PCCA: variants seen among roughly 807,000 people sequenced by gnomAD.
PCCA encodes propionyl-CoA carboxylase subunit alpha.
In PCCA, 74 loss-of-function variants were observed where a neutral mutation model predicts 101.3. The ratio of observed to expected loss-of-function variants is 0.73; its 90% CI spans 0.61 to 0.89. The LOEUF (loss-of-function observed/expected upper bound fraction) is 0.89, where lower values mean the gene tolerates loss of function less well. Ranked by LOEUF, PCCA falls within the 40% of genes least tolerant of loss-of-function variation. The pLI is 0.00. For synonymous variants in PCCA, 294 were observed against 313.6 expected (o/e 0.94, Z 0.66); for missense variants, 891 against 907.0 (o/e 0.98, Z 0.23).
intron 7 of PCCA, among the ~76,000 whole-genome samples, chr13:100,228,313 G>C (rs1466289071): frequency 6.6e-6 from 1 of 152,128 alleles, no homozygotes; most frequent in African/African-American, 2.4e-5. Flanking sequence ...ACCATGCCTG[G>C]CATATTTGAC....
intron 2 of PCCA, among the ~76,000 whole-genome samples, chr13:100,110,504 A>G (rs908657582): frequency 3.3e-5 from 5 of 152,334 alleles, no homozygotes; most frequent in Non-Finnish European, 5.9e-5. Context: ...GTCTCTAGAT[A>G]AACACAGGAT....
At chr13:100,172,150 G>A (rs1372646140) in intron 6 of PCCA, among the ~76,000 whole-genome samples, 1 of 150,420 alleles carries the variant, frequency 6.6e-6, no homozygotes, top group African/African-American at 2.4e-5. Flanking sequence ...GCAGTGAGCT[G>A]AGATTGCACC....
intron 16 of PCCA, among the ~76,000 whole-genome samples, chr13:100,327,735 T>G (rs978783986): frequency 1.3e-5 from 2 of 152,236 alleles, no homozygotes; most frequent in South Asian, 2.1e-4. Context: ...CTATTATCTG[T>G]CTTTTCACTT....
In PCCA at chr13:100,150,575, A is replaced by G. The variant is rs886980975; in HGVS notation, c.301-4404A>G. The stretch of plus-strand genomic sequence containing the variant: ...GTGGTGGAACTTACGGCCGTTTCCA[A>G]GGGCCAGGGCTCTTTTGGCCTGCAG... On this transcript the variant is annotated intron_variant, in intron 4 of 23. Coordinates refer to ENST00000376285, the MANE Select transcript of PCCA (RefSeq NM_000282.4). The G allele has an allele frequency of 5.3e-5, 66 of 1,242,236 alleles. No homozygotes were observed. In the East Asian group the frequency reaches 1.5e-3, roughly 29 times the overall value. The allele number at this position is 1,242,236 out of a possible 1,614,324, so 77.0% of individuals were successfully genotyped here.
intron 4 of PCCA, among the ~76,000 whole-genome samples, chr13:100,137,888 C>T (rs1462337333): frequency 6.6e-6 from 1 of 151,540 alleles, no homozygotes; most frequent in East Asian, 1.9e-4. Flanking sequence ...TGGCCCACTG[C>T]AGCCTCAGCC....
chr13:100,126,899 G>A (rs2050012446), intron 4 of PCCA, among the ~76,000 whole-genome samples: 1 of 152,154 alleles, frequency 6.6e-6, no homozygotes, highest in Non-Finnish European at 1.5e-5. Flanking sequence ...GTAATACTCA[G>A]TGTTAACCTG....
chr13:100,206,907 G>A (rs923489805), intron 6 of PCCA, among the ~76,000 whole-genome samples: 1 of 152,154 alleles, frequency 6.6e-6, no homozygotes, highest in Admixed American at 6.5e-5. Flanking sequence ...AGTAATCTGA[G>A]TAGTTTCCCC....
chr13:100,228,388 G>A (rs759656142), intron 7 of PCCA, among the ~76,000 whole-genome samples: 6 of 152,018 alleles, frequency 3.9e-5, no homozygotes, highest in Non-Finnish European at 7.4e-5. Context: ...ATAAATTATA[G>A]GATATTATTG....
intron 2 of PCCA, among the ~76,000 whole-genome samples, chr13:100,106,495 C>G (rs1431051485): frequency 6.6e-6 from 1 of 152,140 alleles, no homozygotes; most frequent in Non-Finnish European, 1.5e-5. Context: ...ACTGCAACCT[C>G]CACCTTCCGA....
chr13:100,328,689 ATTTT>A (rs757599001), intron 16 of PCCA, among the ~76,000 whole-genome samples: 11 of 98,220 alleles, frequency 1.1e-4, no homozygotes, highest in South Asian at 8.8e-4. Flanking sequence ...GTTGAGGTTA[ATTTT>A]TTTTTTTTTT....
intron 7 of PCCA, among the ~76,000 whole-genome samples, chr13:100,215,309 G>C (rs2059448850): frequency 6.6e-6 from 1 of 152,198 alleles, no homozygotes; most frequent in African/African-American, 2.4e-5. Flanking sequence ...GTCTGACACT[G>C]TTTGAAGTGC....
At chr13:100,118,847 G>A (rs950150297) in intron 4 of PCCA, among the ~76,000 whole-genome samples, 2 of 151,920 alleles carry the variant, frequency 1.3e-5, no homozygotes, top group Non-Finnish European at 2.9e-5. Flanking sequence ...CCGTACCCCA[G>A]CCAGTAATGT....
intron 14 of PCCA, among the ~76,000 whole-genome samples, chr13:100,306,248 C>T (rs906635614): frequency 6.6e-6 from 1 of 152,198 alleles, no homozygotes; most frequent in Non-Finnish European, 1.5e-5. Context: ...CGTGAGCTTC[C>T]GCTCTTCTCT....
At chr13:100,454,956 A>G (rs1008312226) in intron 21 of PCCA, among the ~76,000 whole-genome samples, 2 of 152,188 alleles carry the variant, frequency 1.3e-5, no homozygotes, top group African/African-American at 4.8e-5. Context: ...AAACATTTAT[A>G]AAGAATGATG....
At chr13:100,481,742 G>GA (rs1211794806) in intron 21 of PCCA, among the ~76,000 whole-genome samples, 2 of 152,044 alleles carry the variant, frequency 1.3e-5, no homozygotes, top group Non-Finnish European at 2.9e-5. Flanking sequence ...ACACTACTCA[G>GA]AATGACTCAC....
Position 100,268,752 on chromosome 13 carries a change from A to G in PCCA, c.883A>G (p.Arg295Gly). Reference sequence around the variant, plus strand: ...TGAAAGAGAGTGCTCAATTCAGAGAAGAAATCAGAAGGTGGTGGAGGAAGC... The same window carrying G: ...TGAAAGAGAGTGCTCAATTCAGAGAGGAAATCAGAAGGTGGTGGAGGAAGC... ...LNERECSIQR[R>G]NQKVVEEAPS... The change falls in exon 11 of 24, where the codon AGA becomes GGA. Residue 295 changes from arginine to glycine, a missense_variant. Physicochemically the swap from Arg to Gly is moderately radical, Grantham distance 125. Coordinates refer to ENST00000376285, the MANE Select transcript of PCCA (RefSeq NM_000282.4). The G allele has an allele frequency of 6.2e-7, 1 of 1,614,138 alleles. No homozygotes were observed. The highest frequency in any genetic ancestry group is 1.1e-5 in the South Asian group (1 of 91,084).
At chr13:100,446,816 T>A (rs998254629) in intron 20 of PCCA, among the ~76,000 whole-genome samples, 1 of 152,258 alleles carries the variant, frequency 6.6e-6, no homozygotes, top group African/African-American at 2.4e-5. Flanking sequence ...TGTGCACTAA[T>A]TCTAGAATTT....
At chr13:100,215,600 C>T (rs1421036025) in intron 7 of PCCA, among the ~76,000 whole-genome samples, 6 of 151,940 alleles carry the variant, frequency 3.9e-5, no homozygotes, top group Admixed American at 6.6e-5. Context: ...ATATATCCTA[C>T]GCTCATCCTT....
intron 4 of PCCA, among the ~76,000 whole-genome samples, chr13:100,143,408 G>T (rs995298668): frequency 1.3e-5 from 2 of 151,814 alleles, no homozygotes; most frequent in Non-Finnish European, 1.5e-5. Context: ...GGTGGTGCAC[G>T]CCTGTAGTCC....
Sources: gnomAD v4.1 joint callset for allele counts (sites outside exome capture counted in the v4.1 genomes callset) on GRCh38, gnomAD v4.1.1 for gene constraint, MANE v1.5 for transcripts, NCBI Gene and HGNC (gene_info 2026-07-23, HGNC 2026-07-21) for gene names.